HOXB13: variants seen among roughly 807,000 people sequenced by gnomAD.
The protein encoded by HOXB13 is homeobox protein Hox-B13.
HOXB13 carries 22 observed loss-of-function variants against 23.1 expected under a neutral mutation model. The observed-to-expected ratio is 0.95, with a 90% confidence interval of 0.68 to 1.36. The LOEUF (loss-of-function observed/expected upper bound fraction) is 1.36, where lower values mean the gene tolerates loss of function less well. Among genes scored for constraint, HOXB13 ranks in the 40% most tolerant of loss-of-function variants. HOXB13 has a pLI of 0.00. For synonymous variants in HOXB13, 173 were observed against 157.9 expected (o/e 1.10, Z -0.72); for missense variants, 386 against 376.2 (o/e 1.03, Z -0.22).
At chr17:48,727,640 T>C (rs192148105) in intron 1 of HOXB13, among the ~76,000 whole-genome samples, 1 of 152,326 alleles carries the variant, frequency 6.6e-6, no homozygotes, top group African/African-American at 2.4e-5. Flanking sequence ...GAGAGTTATT[T>C]AGCTTTTGTG....
In HOXB13 at chr17:48,725,447, A is replaced by G. The variant is rs900121258; in HGVS notation, c.*1343T>C. ...TCCCACCCGACCGCGGGCCATAAAC[A>G]CTTGGCTGCGGCGGCCGCCGCGGGG... On this transcript the variant is annotated 3_prime_UTR_variant, in exon 2 of 2. Coordinates refer to ENST00000290295, the MANE Select transcript of HOXB13 (RefSeq NM_006361.6). 3 of 151,920 alleles carry G rather than the reference A, an allele frequency of 2.0e-5. No homozygotes were observed. Among genetic ancestry groups the G allele is most frequent in the African/African-American group, 7.3e-5 (3 of 41,326 alleles). The allele number at this position is 151,920 out of a possible 1,614,324, so 9.4% of individuals were successfully genotyped here.
At position 48,728,649 on chromosome 17, in the gene HOXB13, C is replaced by T. The variant is rs2038245163; in HGVS notation, c.-56G>A. ...GGCGGGGAATCTAGGGGGCACCCAG[C>T]TCGCTCTCCCCACCCAGGCCGGGGG... is the stretch of plus-strand genomic sequence containing the variant. On this transcript the variant is annotated 5_prime_UTR_variant, in exon 1 of 2. Coordinates refer to ENST00000290295, the MANE Select transcript of HOXB13 (RefSeq NM_006361.6). 1 of 1,581,162 alleles carries T rather than the reference C, an allele frequency of 6.3e-7. No homozygotes were observed. Among genetic ancestry groups the T allele is most frequent in the South Asian group, 1.1e-5 (1 of 88,414 alleles).
In HOXB13 at chr17:48,726,694, T is replaced by C. The variant is rs2038212983; in HGVS notation, c.*96A>G. 2.0e-6 allele frequency: 3 copies of C among 1,476,616 alleles called. No individual in the cohort carries two copies. Among genetic ancestry groups the C allele is most frequent in the Admixed American group, 4.1e-5 (2 of 48,198 alleles). The allele number at this position is 1,476,616 out of a possible 1,614,324, so 91.5% of individuals were successfully genotyped here. A position where few individuals can be genotyped will look rare whatever the true frequency, so the allele number is the denominator to read the frequency against. On this transcript the variant is annotated 3_prime_UTR_variant, in exon 2 of 2. Transcript: ENST00000290295. Reference sequence around the variant, plus strand: ...GAAGGGTGTTGTCTCTAGGGGCCTCTCAGCAGAGTCCTTGGCCCCAGCCTG... The same window carrying C: ...GAAGGGTGTTGTCTCTAGGGGCCTCCCAGCAGAGTCCTTGGCCCCAGCCTG...
rs754885900 is a variant in HOXB13, at chr17:48,728,396, G to T, written c.198C>A (p.Cys66Ter). ...GGGACGTCCCCTGGGGCACCCCAGG[G>T]CATGGGTGGCATTGCTTTGGCGGCT... Reference protein sequence around the residue: ...SAEPPKQCHPCPGVPQGTSPA... With the variant: ...SAEPPKQCHP The change falls in exon 1 of 2, where the codon TGC becomes TGA. Residue 66 changes from cysteine to a stop codon, truncating the protein, a stop_gained. Transcript: ENST00000290295. LOFTEE classifies it high-confidence loss of function. The T allele has an allele frequency of 5.0e-6, 8 of 1,613,656 alleles. No homozygotes were observed. The highest frequency in any genetic ancestry group is 2.2e-5 in the East Asian group (1 of 44,888).
rs146552906 is a variant in HOXB13 at position 48,726,470 on chromosome 17, A to G, written c.*320T>C. The G allele has an allele frequency of 3.5e-4, 130 of 366,644 alleles. No homozygotes were observed. The highest frequency in any genetic ancestry group is 2.4e-3 in the African/African-American group (117 of 49,578). The allele number at this position is 366,644 out of a possible 1,614,324, so 22.7% of individuals were successfully genotyped here. ...TCTAAAGTGCTCTACAGAGCTCTAGATAGAAAATATGAGGCTAACGATCAT... is the reference window on the plus strand; with the variant it reads ...TCTAAAGTGCTCTACAGAGCTCTAGGTAGAAAATATGAGGCTAACGATCAT... On this transcript the variant is annotated 3_prime_UTR_variant, in exon 2 of 2. Coordinates refer to ENST00000290295, the MANE Select transcript of HOXB13 (RefSeq NM_006361.6).
In HOXB13 at chr17:48,728,537, C is replaced by T. The variant is rs1027470378; in HGVS notation, c.57G>A (p.Leu19=). 4 of 1,613,080 alleles carry T rather than the reference C, an allele frequency of 2.5e-6. No individual in the cohort carries two copies. Among genetic ancestry groups the T allele is most frequent in the South Asian group, 2.2e-5 (2 of 91,064 alleles). Residue 19 remains leucine, a synonymous_variant, in exon 1 of 2, where the codon CTG becomes CTA. Transcript: ENST00000290295. The part of the protein sequence containing the change: ...LDGAKDIEGL[L]GAGGGRNLVA... ...CCAGATTCCGCCCCCCTCCCGCTCC[C>T]AGCAAGCCTTCGATATCCTTGGCTC...
chr17:48,726,910 C>T lies in HOXB13; in HGVS notation c.735G>A (p.Lys245=), dbSNP rs138675188. Residue 245 remains lysine (K), a synonymous_variant, in exon 2 of 2, where the codon AAG becomes AAA. Coordinates refer to ENST00000290295, the MANE Select transcript of HOXB13 (RefSeq NM_006361.6). The part of the protein sequence containing the change: ...YAANKFITKD[K]RRKISAATSL... ...TGGTGGCTGCCGAGATCTTGCGCCTCTTGTCCTTGGTGATGAACTTGTTAG... is the reference window on the plus strand; with the variant it reads ...TGGTGGCTGCCGAGATCTTGCGCCTTTTGTCCTTGGTGATGAACTTGTTAG... 452 of 1,614,086 alleles carry T rather than the reference C, an allele frequency of 2.8e-4. 2 individuals are homozygous for T. In the African/African-American group the frequency reaches 5.0e-3, roughly 18 times the overall value.
In HOXB13 at chr17:48,728,014, A is replaced by T. The variant is rs780355420; in HGVS notation, c.580T>A (p.Phe194Ile). The T allele has an allele frequency of 3.7e-6, 6 of 1,613,944 alleles. No individual in the cohort carries two copies. Among genetic ancestry groups the T allele is most frequent in the Non-Finnish European group, 5.1e-6 (6 of 1,179,902 alleles). ...CQGEQNPPGP[F>I]WKAAFADSSG... The stretch of plus-strand genomic sequence containing the variant: ...GTACCTGCAAATGCTGCCTTCCAAA[A>T]GGGACCTGGTGGGTTCTGTTCTCCC... Residue 194 changes from phenylalanine to isoleucine, a missense_variant, in exon 1 of 2, where the codon TTT (phenylalanine) becomes ATT (isoleucine). By Grantham distance (21) the Phe-to-Ile change is conservative. Coordinates refer to ENST00000290295, the MANE Select transcript of HOXB13 (RefSeq NM_006361.6).
rs35033273 is a variant in HOXB13 at position 48,728,120 on chromosome 17, C to G, written c.474G>C (p.Pro158=). 5 of 1,614,108 alleles carry G rather than the reference C, an allele frequency of 3.1e-6. No homozygotes were observed. The highest frequency in any genetic ancestry group is 3.4e-6 in the Non-Finnish European group (4 of 1,180,046). The change falls in exon 1 of 2, where the codon CCG becomes CCC. Residue 158 remains proline (P), a synonymous_variant. Transcript: ENST00000290295. The part of the protein sequence containing the change: ...VVQTLGAPGE[P]RHDSLLPVDS... Reference sequence around the variant, plus strand: ...CCACAGGCAACAGGGAGTCATGTCGCGGTTCTCCAGGAGCACCCAGAGTCT... The same window carrying G: ...CCACAGGCAACAGGGAGTCATGTCGGGGTTCTCCAGGAGCACCCAGAGTCT...
Position 48,726,055 on chromosome 17 carries a change from A to T in HOXB13, c.*735T>A, listed in dbSNP as rs2038204306. On this transcript the variant is annotated 3_prime_UTR_variant, in exon 2 of 2. Transcript: ENST00000290295. ...CTCAGAGAGTTTGGGGGAGGAAATTAATGGTGAATTACCCAGGCACTTTCT... is the reference window on the plus strand; with the variant it reads ...CTCAGAGAGTTTGGGGGAGGAAATTTATGGTGAATTACCCAGGCACTTTCT... 1 of 152,286 alleles carries T rather than the reference A, an allele frequency of 6.6e-6. No homozygotes were observed. The highest frequency in any genetic ancestry group is 2.4e-5 in the African/African-American group (1 of 41,470). The allele number at this position is 152,286 out of a possible 1,614,324, so 9.4% of individuals were successfully genotyped here. A position where few individuals can be genotyped will look rare whatever the true frequency, so the allele number is the denominator to read the frequency against.
In HOXB13 at chr17:48,728,340, C is replaced by G. The variant is rs778563157; in HGVS notation, c.254G>C (p.Gly85Ala). The change falls in exon 1 of 2, where the codon GGC becomes GCC. Residue 85 changes from glycine (G) to alanine (A), a missense_variant. Gly to Ala is a moderately conservative substitution (Grantham distance 60, BLOSUM62 0). Coordinates refer to ENST00000290295, the MANE Select transcript of HOXB13 (RefSeq NM_006361.6). ...PAPVPYGYFGGGYYSCRVSRS... is the reference protein window; with the variant it reads ...PAPVPYGYFGAGYYSCRVSRS... ...GGACACTCGGCAGGAGTAGTACCCGCCTCCAAAGTAACCATAAGGCACGGG... is the reference window on the plus strand; with the variant it reads ...GGACACTCGGCAGGAGTAGTACCCGGCTCCAAAGTAACCATAAGGCACGGG... The G allele has an allele frequency of 6.2e-7, 1 of 1,614,016 alleles. No homozygotes were observed. Among genetic ancestry groups the G allele is most frequent in the Non-Finnish European group, 8.5e-7 (1 of 1,180,014 alleles).
In HOXB13 at chr17:48,728,713, G is replaced by T; in HGVS notation, c.-120C>A. ...TTAAATCGCTCCCAGCTCGCAAGTC[G>T]CCTGCATTCGCTCAGCACGGCCGTC... On this transcript the variant is annotated 5_prime_UTR_variant, in exon 1 of 2. Coordinates refer to ENST00000290295, the MANE Select transcript of HOXB13 (RefSeq NM_006361.6). The T allele has an allele frequency of 3.2e-6, 3 of 929,136 alleles. No individual in the cohort carries two copies. Among genetic ancestry groups the T allele is most frequent in the Non-Finnish European group, 4.9e-6 (3 of 618,266 alleles). 57.6% of individuals were successfully genotyped at this position (929,136 alleles called of 1,614,324 possible). A position where few individuals can be genotyped will look rare whatever the true frequency, so the allele number is the denominator to read the frequency against.
rs2038206053 is a variant in HOXB13, at chr17:48,726,201, A to G, written c.*589T>C. The G allele has an allele frequency of 6.5e-6, 1 of 153,716 alleles. No homozygotes were observed. Among genetic ancestry groups the G allele is most frequent in the African/African-American group, 2.4e-5 (1 of 41,476 alleles). 9.5% of individuals were successfully genotyped at this position (153,716 alleles called of 1,614,324 possible). A position where few individuals can be genotyped will look rare whatever the true frequency, so the allele number is the denominator to read the frequency against. ...CTTCCAAGACCAGTGGGTACACCCT[A>G]TGGGGTGGACAAGGAGGGAGGAAGA... On this transcript the variant is annotated 3_prime_UTR_variant, in exon 2 of 2. Transcript: ENST00000290295.
In HOXB13 at chr17:48,726,800, G is replaced by A. The variant is rs2143065098; in HGVS notation, c.845C>T (p.Ala282Val). ...AGGCAAGGAGATCTCTTAAGGGGTAGCGCTGTTCTTCACCTTGGCGAGAAC... is the reference window on the plus strand; with the variant it reads ...AGGCAAGGAGATCTCTTAAGGGGTAACGCTGTTCTTCACCTTGGCGAGAAC... Reference protein sequence around the residue: ...KKVLAKVKNSATP With the variant: ...KKVLAKVKNSVTP The change falls in exon 2 of 2, where the codon GCT becomes GTT. Residue 282 changes from alanine to valine, a missense_variant. Transcript: ENST00000290295. 1 of 1,614,168 alleles carries A rather than the reference G, an allele frequency of 6.2e-7. No individual in the cohort carries two copies. Among genetic ancestry groups the A allele is most frequent in the Non-Finnish European group, 8.5e-7 (1 of 1,180,036 alleles).
rs1597933215 is a variant in HOXB13 at position 48,727,129 on chromosome 17, C to T, written c.602-86G>A. 6.5e-7 allele frequency: 1 copy of T among 1,530,162 alleles called. No homozygotes were observed. Among genetic ancestry groups the T allele is most frequent in the South Asian group, 1.2e-5 (1 of 82,936 alleles). 94.8% of individuals were successfully genotyped at this position (1,530,162 alleles called of 1,614,324 possible). On this transcript the variant is annotated intron_variant, in intron 1 of 1. Transcript: ENST00000290295. ...AGGCCTTGCAAGCCCCAAGCTAAGT[C>T]ATCTCACAGGTGCACACAGGTCACC...
chr17:48,726,662 G>T lies in HOXB13; in HGVS notation c.*128C>A. 8.4e-7 allele frequency: 1 copy of T among 1,186,630 alleles called. No individual in the cohort carries two copies. The highest frequency in any genetic ancestry group is 1.2e-6 in the Non-Finnish European group (1 of 855,052). The allele number at this position is 1,186,630 out of a possible 1,614,324, so 73.5% of individuals were successfully genotyped here. On this transcript the variant is annotated 3_prime_UTR_variant, in exon 2 of 2. Coordinates refer to ENST00000290295, the MANE Select transcript of HOXB13 (RefSeq NM_006361.6). ...CCTGAGGAACAGTCCAGCAGCCAGT[G>T]GCCTGGGAAGGGTGTTGTCTCTAGG...
chr17:48,726,743 C>T lies in HOXB13; in HGVS notation c.*47G>A. Reference sequence around the variant, plus strand: ...TGGGCTTGGCAGGTTCCTGGTCTCCCCAGGACACCCCCACTTTCGCTCCTC... The same window carrying T: ...TGGGCTTGGCAGGTTCCTGGTCTCCTCAGGACACCCCCACTTTCGCTCCTC... On this transcript the variant is annotated 3_prime_UTR_variant, in exon 2 of 2. Transcript: ENST00000290295. The T allele has an allele frequency of 6.2e-7, 1 of 1,604,554 alleles. No homozygotes were observed. Among genetic ancestry groups the T allele is most frequent in the Non-Finnish European group, 8.5e-7 (1 of 1,174,662 alleles).
At chr17:48,727,159 A>G in intron 1 of HOXB13, 116 bp from the exon 2 acceptor site, 1 of 1,284,018 alleles carries the variant, frequency 7.8e-7, no homozygotes, top group Admixed American at 2.2e-5. Context: ...GTCACCCTAC[A>G]GGCGCACGTG....
rs1597934609 is a variant in HOXB13, at chr17:48,728,329, A to G, written c.265T>C (p.Ser89Pro). The change falls in exon 1 of 2, where the codon TCC becomes CCC. Residue 89 changes from serine to proline, a missense_variant. Physicochemically the swap from Ser to Pro is moderately conservative, Grantham distance 74. Coordinates refer to ENST00000290295, the MANE Select transcript of HOXB13 (RefSeq NM_006361.6). ...AGCGAGCTCCGGGACACTCGGCAGG[A>G]GTAGTACCCGCCTCCAAAGTAACCA... ...PYGYFGGGYYSCRVSRSSLKP... is the reference protein window; with the variant it reads ...PYGYFGGGYYPCRVSRSSLKP... The G allele has an allele frequency of 6.2e-7, 1 of 1,613,878 alleles. No individual in the cohort carries two copies. Among genetic ancestry groups the G allele is most frequent in the Non-Finnish European group, 8.5e-7 (1 of 1,180,002 alleles).
Sources: gnomAD v4.1 joint callset for allele counts (sites outside exome capture counted in the v4.1 genomes callset) on GRCh38, gnomAD v4.1.1 for gene constraint, MANE v1.5 for transcripts, NCBI Gene and HGNC (gene_info 2026-07-23, HGNC 2026-07-21) for gene names.